IMMP1L: variants seen among roughly 807,000 people sequenced by gnomAD.
IMMP1L encodes inner mitochondrial membrane peptidase subunit 1, also known as mitochondrial inner membrane protease subunit 1.
A neutral mutation model predicts 21.8 loss-of-function variants in IMMP1L; 24 were observed. The observed-to-expected ratio is 1.10, with a 90% CI of 0.80 to 1.55. IMMP1L has a LOEUF of 1.55. IMMP1L is among the 40% of genes most tolerant of loss of function. The probability of loss-of-function intolerance (pLI) is 0.00; values close to 1 mark genes in which losing one functional copy is unlikely to be tolerated. For missense variants in IMMP1L, 195 were observed against 200.7 expected (o/e 0.97, Z 0.17); for synonymous variants, 46 against 62.8 (o/e 0.73, Z 1.26).
intron 4 of IMMP1L, among the ~76,000 whole-genome samples, chr11:31,440,722 T>TCTCG (rs1200527483): frequency 6.6e-6 from 1 of 152,174 alleles, no homozygotes; most frequent in East Asian, 1.9e-4. Flanking sequence ...CTTGCAACAA[T>TCTCG]ATAAAGAGAA....
At chr11:31,447,852 G>A (rs2133591852) in intron 4 of IMMP1L, among the ~76,000 whole-genome samples, 1 of 152,134 alleles carries the variant, frequency 6.6e-6, no homozygotes, top group African/African-American at 2.4e-5. Context: ...GTTTGGTTTG[G>A]TGAGAATATT....
intron 4 of IMMP1L, among the ~76,000 whole-genome samples, chr11:31,443,053 GTTT>G (rs1406223751): frequency 6.6e-6 from 1 of 152,018 alleles, no homozygotes; most frequent in African/African-American, 2.4e-5. Flanking sequence ...TTATGTAATT[GTTT>G]TTTATCTTAT....
intron 3 of IMMP1L, among the ~76,000 whole-genome samples, chr11:31,458,504 C>T (rs1344264218): frequency 1.3e-5 from 2 of 152,010 alleles, no homozygotes; most frequent in Non-Finnish European, 2.9e-5. Flanking sequence ...ACTGAAGAGA[C>T]ATCCATGTGC....
Position 31,483,714 on chromosome 11 carries a change from C to A in IMMP1L, c.-29-20409G>T, listed in dbSNP as rs369636456. ...ATGATTGCCGTTTTCACTCTTCCTC[C>A]CAAATTTCATAAGCGTTAGTTTGTT... On this transcript the variant is annotated intron_variant, in intron 1 of 5. Transcript: ENST00000532287. Among the ~76,000 whole-genome samples the A allele has an allele frequency of 2.0e-5, 3 of 151,882 alleles. No homozygotes were observed. The East Asian group carries it at 5.8e-4, about 29-fold the overall frequency.
chr11:31,463,457 G>A (rs1018740692), intron 1 of IMMP1L, among the ~76,000 whole-genome samples, 152 bp from the exon 2 acceptor site: 1 of 152,090 alleles, frequency 6.6e-6, no homozygotes, highest in African/African-American at 2.4e-5. Flanking sequence ...CAGTTCTAAT[G>A]ATATTTTAAA....
chr11:31,455,073 A>G (rs1336792606), intron 4 of IMMP1L, among the ~76,000 whole-genome samples: 3 of 152,232 alleles, frequency 2.0e-5, no homozygotes, highest in African/African-American at 7.2e-5. Context: ...CTGCGTATTT[A>G]GCATTGTAGT....
chr11:31,468,625 T>C (rs189516925), intron 1 of IMMP1L, among the ~76,000 whole-genome samples: 27 of 152,288 alleles, frequency 1.8e-4, no homozygotes, highest in African/African-American at 5.3e-4. Flanking sequence ...CCAGATACTG[T>C]GTTCAGCCCT....
chr11:31,452,330 G>A (rs1013629711), intron 4 of IMMP1L: 112 of 984,782 alleles, frequency 1.1e-4, no homozygotes, highest in Non-Finnish European at 1.3e-4. Flanking sequence ...AACATTATGA[G>A]TGCTTTTCTT....
intron 1 of IMMP1L, among the ~76,000 whole-genome samples, chr11:31,475,944 TACTG>T (rs1954714320): frequency 6.6e-6 from 1 of 152,060 alleles, no homozygotes; most frequent in African/African-American, 2.4e-5. Context: ...AAAAAGTAAA[TACTG>T]ACCAGGTTTA....
chr11:31,452,812 G>A (rs1953800792), intron 4 of IMMP1L: 8 of 898,194 alleles, frequency 8.9e-6, no homozygotes, highest in Non-Finnish European at 1.1e-5. Flanking sequence ...GTGCAGTGGC[G>A]CGATCTCGGC....
intron 1 of IMMP1L, among the ~76,000 whole-genome samples, chr11:31,478,486 A>G (rs949329325): frequency 1.1e-4 from 17 of 152,206 alleles, no homozygotes; most frequent in African/African-American, 4.1e-4. Flanking sequence ...AAAATTAGGA[A>G]ATCAATGGAC....
intron 4 of IMMP1L, among the ~76,000 whole-genome samples, chr11:31,450,790 A>C (rs1279558881): frequency 6.6e-6 from 1 of 152,208 alleles, no homozygotes; most frequent in Admixed American, 6.5e-5. Flanking sequence ...GTAGAAAAAA[A>C]GGAGTAGAAG....
chr11:31,489,354 C>T (rs545972953), intron 1 of IMMP1L, among the ~76,000 whole-genome samples: 186 of 152,204 alleles, frequency 1.2e-3, no homozygotes, highest in African/African-American at 4.4e-3. Flanking sequence ...ATATAATATA[C>T]AATATCACAT....
intron 4 of IMMP1L, among the ~76,000 whole-genome samples, chr11:31,439,101 TTTGA>T (rs1265176052): frequency 6.6e-6 from 1 of 152,134 alleles, no homozygotes; most frequent in Non-Finnish European, 1.5e-5. Flanking sequence ...TCTTCCCTGG[TTTGA>T]TTTTCTTTGT....
chr11:31,505,434 A>G (rs1266515731), intron 1 of IMMP1L, among the ~76,000 whole-genome samples: 1 of 152,216 alleles, frequency 6.6e-6, no homozygotes, highest in Non-Finnish European at 1.5e-5. Context: ...GATGAGAAAG[A>G]AGTAGAAGAA....
intron 1 of IMMP1L, among the ~76,000 whole-genome samples, chr11:31,493,398 C>G (rs1198121753): frequency 6.6e-6 from 1 of 152,116 alleles, no homozygotes; most frequent in Non-Finnish European, 1.5e-5. Context: ...ATCACTAGAA[C>G]AGTATGGGGG....
intron 4 of IMMP1L, among the ~76,000 whole-genome samples, chr11:31,453,400 T>C (rs554309843): frequency 2.0e-5 from 3 of 152,330 alleles, no homozygotes; most frequent in Admixed American, 6.5e-5. Flanking sequence ...TTTAATATTG[T>C]TCATTTTATT....
chr11:31,481,842 A>ATT (rs1327192063), intron 1 of IMMP1L, among the ~76,000 whole-genome samples: 1 of 152,052 alleles, frequency 6.6e-6, no homozygotes, highest in Admixed American at 6.6e-5. Context: ...AAAAAGGTAT[A>ATT]TTTAAAATCC....
At chr11:31,446,268 T>A (rs572885210) in intron 4 of IMMP1L, among the ~76,000 whole-genome samples, 33 of 152,198 alleles carry the variant, frequency 2.2e-4, no homozygotes, top group Non-Finnish European at 1.5e-4. Flanking sequence ...CTATTCTCGA[T>A]GTTATTATCT....
Sources: gnomAD v4.1 joint callset for allele counts (sites outside exome capture counted in the v4.1 genomes callset) on GRCh38, gnomAD v4.1.1 for gene constraint, MANE v1.5 for transcripts, NCBI Gene and HGNC (gene_info 2026-07-23, HGNC 2026-07-21) for gene names.